The following COL5A2 variants were observed in gnomAD, a reference collection of about 807,000 sequenced individuals.
The protein encoded by COL5A2 is collagen alpha-2(V) chain.
COL5A2 carries 23 observed loss-of-function variants against 208.2 expected under a neutral mutation model. The observed-to-expected ratio is 0.11, with a 90% CI of 0.08 to 0.16. COL5A2 has a LOEUF of 0.16. Among genes scored for constraint, COL5A2 ranks in the 10% least tolerant of loss-of-function variants. COL5A2 has a pLI of 1.00. For synonymous variants in COL5A2, 625 were observed against 628.5 expected (o/e 0.99, Z 0.08); for missense variants, 1,590 against 1,956.4 (o/e 0.81, Z 3.53).
the COL5A2 span, among the ~76,000 whole-genome samples, chr2:189,294,356 G>A: frequency 6.6e-6 from 1 of 152,108 alleles, no homozygotes; most frequent in Non-Finnish European, 1.5e-5. Context: ...CTGGCCCTGT[G>A]AAAATATATG....
chr2:189,048,923 AT>A (rs1282406204), intron 44 of COL5A2, among the ~76,000 whole-genome samples: 2 of 152,218 alleles, frequency 1.3e-5, no homozygotes, highest in African/African-American at 2.4e-5. Context: ...TTATAGTGAT[AT>A]TTAAGTAAAA....
chr2:189,078,428 TC>T, intron 16 of COL5A2, 87 bp downstream of exon 16: 1 of 1,065,332 alleles, frequency 9.4e-7, no homozygotes, highest in Non-Finnish European at 1.5e-6. Flanking sequence ...ACTATTACTT[TC>T]ATTTAAAAGG....
the COL5A2 span, among the ~76,000 whole-genome samples, chr2:189,306,486 T>G: frequency 6.6e-6 from 1 of 152,232 alleles, no homozygotes; most frequent in Non-Finnish European, 1.5e-5. Context: ...ATCTTCATCA[T>G]GTGCATTTTT....
chr2:189,293,168 T>G, the COL5A2 span, among the ~76,000 whole-genome samples: 1 of 151,940 alleles, frequency 6.6e-6, no homozygotes, highest in African/African-American at 2.4e-5. Context: ...GACGAGTTAA[T>G]GGGTGCAGCA....
chr2:189,097,569 T>G (rs1239669636), intron 5 of COL5A2: 2 of 665,624 alleles, frequency 3.0e-6, no homozygotes, highest in Non-Finnish European at 5.5e-6. Context: ...TATGGCATCA[T>G]GGAGCATAGT....
the COL5A2 span, among the ~76,000 whole-genome samples, chr2:189,372,748 A>G: frequency 5.9e-5 from 9 of 152,184 alleles, no homozygotes; most frequent in African/African-American, 2.2e-4. Context: ...TATTTTTCCA[A>G]AAATACAGTC....
At chr2:189,135,650 C>T (rs1305560900) in intron 1 of COL5A2, among the ~76,000 whole-genome samples, 1 of 151,962 alleles carries the variant, frequency 6.6e-6, no homozygotes, top group Non-Finnish European at 1.5e-5. Flanking sequence ...TAGGAAATCT[C>T]CAGATTAATG....
At chr2:189,387,581 C>T in the COL5A2 span, among the ~76,000 whole-genome samples, 1 of 152,072 alleles carries the variant, frequency 6.6e-6, no homozygotes, top group Non-Finnish European at 1.5e-5. Flanking sequence ...TAATATTTTA[C>T]TTAGAATTTT....
the COL5A2 span, among the ~76,000 whole-genome samples, chr2:189,304,150 G>A: frequency 6.6e-6 from 1 of 152,156 alleles, no homozygotes; most frequent in East Asian, 1.9e-4. Flanking sequence ...ATATAAAATA[G>A]TCACATTGTT....
At chr2:189,060,296 G>C (rs1402997587) in intron 31 of COL5A2, among the ~76,000 whole-genome samples, 4 of 152,136 alleles carry the variant, frequency 2.6e-5, no homozygotes, top group Non-Finnish European at 5.9e-5. Flanking sequence ...ATTTTGTTCA[G>C]CTGGTTCAGG....
At chr2:189,151,801 A>G (rs1160336375) in intron 1 of COL5A2, among the ~76,000 whole-genome samples, 2 of 152,076 alleles carry the variant, frequency 1.3e-5, no homozygotes, top group Middle Eastern at 3.2e-3. Flanking sequence ...ATACTTCTCA[A>G]TAACTTTGGT....
chr2:189,166,091 T>A (rs974597364), intron 1 of COL5A2, among the ~76,000 whole-genome samples: 11 of 152,176 alleles, frequency 7.2e-5, no homozygotes, highest in Admixed American at 2.0e-4. Flanking sequence ...AGACATCACT[T>A]AGATATGGTC....
chr2:189,202,652 T>A (rs1375395352), intron 1 of COL5A2, among the ~76,000 whole-genome samples: 3 of 152,166 alleles, frequency 2.0e-5, no homozygotes, highest in African/African-American at 7.2e-5. Context: ...ATTGATGGGT[T>A]AGAGTGTGAG....
chr2:189,179,535 T>C lies in COL5A2; in HGVS notation c.70A>G (p.Ile24Val). 6.2e-7 allele frequency: 1 copy of C among 1,611,766 alleles called. No individual in the cohort carries two copies. The highest frequency in any genetic ancestry group is 8.5e-7 in the Non-Finnish European group (1 of 1,178,852). ...TCCTCGTCTTCTTCCTGGGCTTTTA[T>C]TGAGACAAATTGCCCTAATAAAACA... ...LIVLLGQFVSIKAQEEDEDEG... is the reference protein window; with the variant it reads ...LIVLLGQFVSVKAQEEDEDEG... Residue 24 changes from isoleucine (I) to valine (V), a missense_variant, in exon 1 of 54, where the codon ATA becomes GTA. Coordinates refer to ENST00000374866, the MANE Select transcript of COL5A2 (RefSeq NM_000393.5).
At chr2:189,117,838 G>A (rs1320298727) in intron 1 of COL5A2, among the ~76,000 whole-genome samples, 1 of 151,796 alleles carries the variant, frequency 6.6e-6, no homozygotes, top group East Asian at 1.9e-4. Flanking sequence ...ATAGCTCTGT[G>A]AGAACACATA....
the COL5A2 span, among the ~76,000 whole-genome samples, chr2:189,432,536 C>T: frequency 6.6e-6 from 1 of 152,146 alleles, no homozygotes; most frequent in African/African-American, 2.4e-5. Flanking sequence ...CAATCCTAGT[C>T]TCTGATAAAA....
At chr2:189,411,376 A>T in the COL5A2 span, among the ~76,000 whole-genome samples, 1 of 152,184 alleles carries the variant, frequency 6.6e-6, no homozygotes. Flanking sequence ...TTATTCTAGC[A>T]CAATACCTGA....
intron 48 of COL5A2, 28 bp from the exon 49 acceptor site, chr2:189,042,801 G>A: frequency 7.5e-6 from 12 of 1,593,872 alleles, no homozygotes; most frequent in Non-Finnish European, 1.0e-5. Flanking sequence ...AAAAAATGTT[G>A]CCAAAATATT....
intron 1 of COL5A2, among the ~76,000 whole-genome samples, chr2:189,122,692 T>C (rs965378625): frequency 2.0e-5 from 3 of 152,222 alleles, no homozygotes; most frequent in Non-Finnish European, 4.4e-5. Flanking sequence ...AATTTCTCTC[T>C]ATATCATGAG....
Sources: gnomAD v4.1 joint callset for allele counts (sites outside exome capture counted in the v4.1 genomes callset) on GRCh38, gnomAD v4.1.1 for gene constraint, MANE v1.5 for transcripts, NCBI Gene and HGNC (gene_info 2026-07-23, HGNC 2026-07-21) for gene names.